The following PCDH11X variants were observed in gnomAD, a reference collection of about 807,000 sequenced individuals.
PCDH11X encodes protocadherin-11 X-linked.
A neutral mutation model predicts 53.3 loss-of-function variants in PCDH11X; 18 were observed. That is an observed-to-expected ratio of 0.34 (90% CI 0.23 to 0.50). The LOEUF is 0.50. Ranked by LOEUF, PCDH11X falls within the 20% of genes least tolerant of loss-of-function variation. The pLI is 0.98. For synonymous variants in PCDH11X, 279 were observed against 393.3 expected, an observed-to-expected ratio of 0.71 and a Z score of 3.44; for missense variants, 570 against 1,032.4, an observed-to-expected ratio of 0.55 and a Z score of 6.14.
At chrX:91,908,804 C>CA (rs202059670) in intron 6 of PCDH11X, among the ~76,000 whole-genome samples, 939 of 79,547 alleles carry the variant, frequency 0.012, 4 homozygotes, top group African/African-American at 0.027. Flanking sequence ...GACTCTGTCT[C>CA]AAAAAAAAAA....
At chrX:91,801,201 G>A (rs1405807622) in intron 1 of PCDH11X, among the ~76,000 whole-genome samples, 3 of 99,797 alleles carry the variant, frequency 3.0e-5, no homozygotes, top group Non-Finnish European at 6.1e-5. Context: ...AAAAAAAAGA[G>A]TTTATTATCC....
intron 1 of PCDH11X, among the ~76,000 whole-genome samples, chrX:91,793,363 ATATAT>A (rs1218906745): frequency 1.6e-4 from 18 of 109,712 alleles, no homozygotes; most frequent in African/African-American, 4.3e-4. Flanking sequence ...ACAATTTAGA[ATATAT>A]TATATTTACT....
chrX:92,614,046 C>T (rs1422688355), intron 10 of PCDH11X, among the ~76,000 whole-genome samples: 1 of 110,585 alleles, frequency 9.0e-6, no homozygotes, highest in Non-Finnish European at 1.9e-5. Flanking sequence ...TCCTGGATTG[C>T]TTTAGAAGTT....
chrX:92,318,898 G>C (rs80248012), intron 8 of PCDH11X, among the ~76,000 whole-genome samples: 1 of 110,936 alleles, frequency 9.0e-6, no homozygotes, highest in Non-Finnish European at 1.9e-5. Flanking sequence ...GTCATTTAGC[G>C]ATTTCACCAG....
chrX:92,102,600 T>A (rs373002410), intron 6 of PCDH11X, among the ~76,000 whole-genome samples: 4 of 111,976 alleles, frequency 3.6e-5, no homozygotes, highest in East Asian at 2.8e-4. Flanking sequence ...ATGGGGGCTG[T>A]CTGTGAAGCC....
intron 9 of PCDH11X, among the ~76,000 whole-genome samples, chrX:92,406,098 CAAA>C (rs61310716): frequency 5.0e-4 from 28 of 56,466 alleles, no homozygotes; most frequent in South Asian, 1.6e-3. Flanking sequence ...GACTCTGTCT[CAAA>C]AAAAAAAAAA....
rs2093340 is a variant in PCDH11X, at chrX:92,301,681, G to T, written c.3144+38538G>T. Among the ~76,000 whole-genome samples, 135 of 109,811 alleles carry T rather than the reference G, an allele frequency of 1.2e-3. 1 individual carries two copies. Among genetic ancestry groups the T allele is most frequent in the African/African-American group, 4.3e-3 (128 of 29,759 alleles). ...GTTTTGTTTTGTTTTGTTTTGTTTT[G>T]TTTTGAGAATCTGTGTGTTTACATT... On this transcript the variant is annotated intron_variant, in intron 8 of 10. Coordinates refer to ENST00000682573, the MANE Select transcript of PCDH11X (RefSeq NM_032968.5).
At chrX:92,606,232 CAAAAAAAAAAA>C (rs61522182) in intron 10 of PCDH11X, among the ~76,000 whole-genome samples, 1 of 32,838 alleles carries the variant, frequency 3.0e-5, no homozygotes, top group Non-Finnish European at 4.6e-5. Flanking sequence ...AATTCCGTCT[CAAAAAAAAAAA>C]AAAAAAAAAA....
chrX:92,463,243 C>A (rs1031782869), intron 9 of PCDH11X, among the ~76,000 whole-genome samples: 2 of 111,381 alleles, frequency 1.8e-5, no homozygotes, highest in African/African-American at 6.5e-5. Flanking sequence ...TCTGCCAAAG[C>A]AAGATTTTAT....
chrX:92,145,495 G>T (rs1603042737), intron 6 of PCDH11X, among the ~76,000 whole-genome samples: 1 of 107,617 alleles, frequency 9.3e-6, no homozygotes, highest in Admixed American at 1.0e-4. Context: ...TATAAATGGT[G>T]CATGTAGAAG....
At chrX:92,452,503 T>G (rs865806958) in intron 9 of PCDH11X, among the ~76,000 whole-genome samples, 1 of 75,209 alleles carries the variant, frequency 1.3e-5, no homozygotes, top group African/African-American at 5.4e-5. Flanking sequence ...ATATATGTTT[T>G]TTTTTTTTTT....
At chrX:92,476,212 C>T (rs2073382603) in intron 10 of PCDH11X, among the ~76,000 whole-genome samples, 1 of 111,431 alleles carries the variant, frequency 9.0e-6, no homozygotes, top group South Asian at 3.8e-4. Flanking sequence ...CCTTGCCTTC[C>T]ACCATGATTT....
intron 6 of PCDH11X, among the ~76,000 whole-genome samples, chrX:92,153,333 AAT>A (rs1405256400): frequency 3.6e-3 from 331 of 92,393 alleles, no homozygotes; most frequent in Non-Finnish European, 5.0e-3. Flanking sequence ...TAAATAAATA[AAT>A]ATACACACAC....
chrX:91,780,161 C>T (rs1253075322), intron 1 of PCDH11X, among the ~76,000 whole-genome samples: 2 of 111,647 alleles, frequency 1.8e-5, no homozygotes, highest in Admixed American at 1.9e-4. Flanking sequence ...CTACCCCTGG[C>T]CTCCCTGCGC....
intron 6 of PCDH11X, among the ~76,000 whole-genome samples, chrX:92,141,265 T>C (rs975386926): frequency 3.6e-5 from 4 of 111,845 alleles, no homozygotes; most frequent in African/African-American, 1.3e-4. Context: ...CTATATTCCA[T>C]TTTTCATTGT....
chrX:92,348,559 G>A lies in PCDH11X; in HGVS notation c.3145-39176G>A, dbSNP rs753081336. Among the ~76,000 whole-genome samples, 510 of 105,587 alleles carry A rather than the reference G, an allele frequency of 4.8e-3. 3 individuals carry two copies. The highest frequency in any genetic ancestry group is 0.017 in the African/African-American group (478 of 28,453). The allele number at this position is 105,587 out of a possible 115,157, so 91.7% of individuals were successfully genotyped here. A position where few individuals can be genotyped will look rare whatever the true frequency, so the allele number is the denominator to read the frequency against. ...TTATTATTATTATTATTTTTGAGAC[G>A]GAGTTTCGCTCTTGTTGCCTAGGCT... On this transcript the variant is annotated intron_variant, in intron 8 of 10. Transcript: ENST00000682573.
At chrX:91,935,426 A>AT (rs1234267382) in intron 6 of PCDH11X, among the ~76,000 whole-genome samples, 1 of 111,097 alleles carries the variant, frequency 9.0e-6, no homozygotes, top group Non-Finnish European at 1.9e-5. Flanking sequence ...AAGATAAATT[A>AT]TTTTTCCTAA....
At chrX:92,105,088 A>G (rs1431285852) in intron 6 of PCDH11X, among the ~76,000 whole-genome samples, 1 of 111,759 alleles carries the variant, frequency 8.9e-6, no homozygotes, top group Non-Finnish European at 1.9e-5. Context: ...TTAAACACCA[A>G]GGGAAGGCTG....
chrX:92,403,809 A>C (rs2071450500), intron 9 of PCDH11X, among the ~76,000 whole-genome samples: 1 of 111,700 alleles, frequency 9.0e-6, no homozygotes, highest in African/African-American at 3.2e-5. Context: ...TCTAACAAGA[A>C]AATCAAAGTG....
Sources: gnomAD v4.1 joint callset for allele counts (sites outside exome capture counted in the v4.1 genomes callset) on GRCh38, gnomAD v4.1.1 for gene constraint, MANE v1.5 for transcripts, NCBI Gene and HGNC (gene_info 2026-07-23, HGNC 2026-07-21) for gene names.